Variants in ZSWIM6 observed in about 807,000 individuals in gnomAD.
ZSWIM6 encodes the protein zinc finger SWIM domain-containing protein 6.
In ZSWIM6, 9 loss-of-function variants were observed where a neutral mutation model predicts 113.2. The ratio of observed to expected loss-of-function variants is 0.08; its 90% CI spans 0.05 to 0.14. The LOEUF (loss-of-function observed/expected upper bound fraction) is 0.14. ZSWIM6 is among the 10% of genes least tolerant of loss of function. ZSWIM6 has a pLI of 1.00. For synonymous variants in ZSWIM6, 611 were observed against 606.5 expected (o/e 1.01, Z -0.11); for missense variants, 1,162 against 1,552.2 (o/e 0.75, Z 4.22).
intron 1 of ZSWIM6, among the ~76,000 whole-genome samples, chr5:61,423,951 A>G (rs1016924188): frequency 6.6e-6 from 1 of 152,176 alleles, no homozygotes; most frequent in African/African-American, 2.4e-5. Context: ...GTAAATGAGC[A>G]GCCCCTCCTC....
rs34072520 is a variant in ZSWIM6 at position 61,355,431 on chromosome 5, A to AACACAC, written c.676+22544_676+22549dup. Among the ~76,000 whole-genome samples, 208 of 127,674 alleles carry AACACAC rather than the reference A, an allele frequency of 1.6e-3. 3 individuals carry two copies. The highest frequency in any genetic ancestry group is 3.4e-3 in the African/African-American group (115 of 33,630). 83.8% of individuals were successfully genotyped at this position (127,674 alleles called of 152,430 possible). The stretch of plus-strand genomic sequence containing the variant: ...GTGCGAATCTCTTGAGAGACTTTAA[A>AACACAC]ACACACACACACACACACACACACA... On this transcript the variant is annotated intron_variant, in intron 1 of 13. Transcript: ENST00000252744.
At chr5:61,350,939 T>C (rs1744770826) in intron 1 of ZSWIM6, among the ~76,000 whole-genome samples, 1 of 152,238 alleles carries the variant, frequency 6.6e-6, no homozygotes, top group African/African-American at 2.4e-5. Flanking sequence ...ACTCCAGTTT[T>C]ACCTAATTTC....
At chr5:61,470,617 G>T (rs1747546840) in intron 1 of ZSWIM6, among the ~76,000 whole-genome samples, 1 of 151,698 alleles carries the variant, frequency 6.6e-6, no homozygotes, top group African/African-American at 2.4e-5. Flanking sequence ...TTTAATTGTG[G>T]TTTTTCAGAA....
chr5:61,400,558 T>C (rs1745924570), intron 1 of ZSWIM6, among the ~76,000 whole-genome samples: 1 of 152,256 alleles, frequency 6.6e-6, no homozygotes, highest in Admixed American at 6.5e-5. Flanking sequence ...TACTTGATGT[T>C]TTATTTCACA....
At chr5:61,438,203 T>G (rs1746750638) in intron 1 of ZSWIM6, among the ~76,000 whole-genome samples, 1 of 152,196 alleles carries the variant, frequency 6.6e-6, no homozygotes, top group Non-Finnish European at 1.5e-5. Context: ...ATCTTTAATA[T>G]GGAATGAATT....
At chr5:61,514,828 T>C (rs963359157) in intron 4 of ZSWIM6, among the ~76,000 whole-genome samples, 2 of 152,160 alleles carry the variant, frequency 1.3e-5, no homozygotes, top group Middle Eastern at 3.2e-3. Context: ...GATCTGCAGT[T>C]GAGCCTACTT....
chr5:61,541,308 G>A (rs947634704), intron 12 of ZSWIM6, among the ~76,000 whole-genome samples: 3 of 151,942 alleles, frequency 2.0e-5, no homozygotes, highest in Admixed American at 6.5e-5. Context: ...GTTTATTTAG[G>A]GACTTCTTGT....
chr5:61,337,664 T>C (rs1744431892), intron 1 of ZSWIM6, among the ~76,000 whole-genome samples: 1 of 152,192 alleles, frequency 6.6e-6, no homozygotes, highest in Non-Finnish European at 1.5e-5. Context: ...ACCAGAATAT[T>C]TTAAAACAAG....
intron 2 of ZSWIM6, among the ~76,000 whole-genome samples, chr5:61,485,915 C>T (rs968582670): frequency 6.6e-6 from 1 of 152,148 alleles, no homozygotes; most frequent in Non-Finnish European, 1.5e-5. Flanking sequence ...TAAGGATATA[C>T]TGACATGTAA....
At chr5:61,422,465 A>G (rs976565365) in intron 1 of ZSWIM6, among the ~76,000 whole-genome samples, 4 of 152,146 alleles carry the variant, frequency 2.6e-5, no homozygotes, top group Non-Finnish European at 5.9e-5. Flanking sequence ...TTTGGTTACT[A>G]TAGCTCTGTA....
At chr5:61,430,100 T>G (rs1746548371) in intron 1 of ZSWIM6, among the ~76,000 whole-genome samples, 1 of 152,086 alleles carries the variant, frequency 6.6e-6, no homozygotes, top group Non-Finnish European at 1.5e-5. Context: ...TGGTTTGCAT[T>G]TATGAGATCA....
At chr5:61,355,435 C>CACAA (rs1320073397) in intron 1 of ZSWIM6, among the ~76,000 whole-genome samples, 164 of 2,178 alleles carry the variant, frequency 0.075, no homozygotes, top group Non-Finnish European at 0.11. Context: ...CTTTAAAACA[C>CACAA]ACACACACAC....
chr5:61,415,756 A>G (rs1561228641), intron 1 of ZSWIM6, among the ~76,000 whole-genome samples: 1 of 152,206 alleles, frequency 6.6e-6, no homozygotes. Flanking sequence ...ACTACAGGCC[A>G]CTTAGTATCT....
intron 1 of ZSWIM6, among the ~76,000 whole-genome samples, chr5:61,424,495 G>A (rs565174876): frequency 6.6e-6 from 1 of 152,138 alleles, no homozygotes; most frequent in Non-Finnish European, 1.5e-5. Context: ...GATAATCTCG[G>A]TTTTTTCCTC....
chr5:61,442,832 G>A (rs1041988331), intron 1 of ZSWIM6, among the ~76,000 whole-genome samples: 14 of 152,270 alleles, frequency 9.2e-5, no homozygotes, highest in Non-Finnish European at 2.1e-4. Context: ...AGAGAAATGT[G>A]CCTTAAATTC....
chr5:61,510,135 A>G (rs559882395), intron 4 of ZSWIM6, among the ~76,000 whole-genome samples: 1 of 151,792 alleles, frequency 6.6e-6, no homozygotes, highest in South Asian at 2.1e-4. Flanking sequence ...CTGGTAATCC[A>G]TATCTTAACC....
chr5:61,367,678 A>G (rs745593431), intron 1 of ZSWIM6, among the ~76,000 whole-genome samples: 1 of 152,180 alleles, frequency 6.6e-6, no homozygotes. Context: ...TTTCTCCATT[A>G]TCTCAAAGCC....
At chr5:61,430,035 A>G (rs1458945854) in intron 1 of ZSWIM6, among the ~76,000 whole-genome samples, 1 of 152,194 alleles carries the variant, frequency 6.6e-6, no homozygotes, top group Non-Finnish European at 1.5e-5. Flanking sequence ...TTTATGTTGT[A>G]TTGTCAGATG....
chr5:61,452,471 A>G (rs1747104653), intron 1 of ZSWIM6, among the ~76,000 whole-genome samples: 1 of 152,154 alleles, frequency 6.6e-6, no homozygotes. Flanking sequence ...TTAATCATTA[A>G]ATAAAAATAT....
Sources: allele counts gnomAD v4.1 joint callset (sites outside exome capture counted in the v4.1 genomes callset), GRCh38; gene constraint gnomAD v4.1.1; transcripts MANE v1.5; gene names NCBI Gene and HGNC (gene_info 2026-07-23, HGNC 2026-07-21).